Variants in KCNMA1 observed in about 807,000 individuals in gnomAD.
KCNMA1 encodes Calcium-activated potassium channel subunit alpha-1.
KCNMA1 carries 29 observed loss-of-function variants against 140.0 expected under a neutral mutation model. That is an observed-to-expected ratio of 0.21 (90% CI 0.15 to 0.28). The LOEUF is 0.28. Ranked by LOEUF, KCNMA1 falls within the 10% of genes least tolerant of loss-of-function variation. The pLI, the probability that KCNMA1 is intolerant of heterozygous loss-of-function variation, is 1.00. For synonymous variants in KCNMA1, 612 were observed against 611.9 expected, an observed-to-expected ratio of 1.00 and a Z score of 0.00; for missense variants, 880 against 1,602.2, an observed-to-expected ratio of 0.55 and a Z score of 7.70.
chr10:77,613,575 G>A (rs2087922316), intron 1 of KCNMA1, among the ~76,000 whole-genome samples: 1 of 146,644 alleles, frequency 6.8e-6, no homozygotes, highest in South Asian at 2.1e-4. Context: ...GGTGTACACG[G>A]AGGGGTTAAT....
intron 3 of KCNMA1, among the ~76,000 whole-genome samples, chr10:77,201,554 G>C (rs996721946): frequency 6.6e-6 from 1 of 152,194 alleles, no homozygotes; most frequent in Admixed American, 6.5e-5. Flanking sequence ...TGCTGGGGAA[G>C]GACCTCATTT....
intron 2 of KCNMA1, among the ~76,000 whole-genome samples, chr10:77,281,496 T>C (rs1196987274): frequency 6.6e-6 from 1 of 152,148 alleles, no homozygotes; most frequent in Non-Finnish European, 1.5e-5. Context: ...AACAGGGATA[T>C]ATAGCTAGAG....
At chr10:77,019,946 T>G (rs897475826) in intron 16 of KCNMA1, 3 of 152,170 alleles carry the variant, frequency 2.0e-5, no homozygotes, top group Non-Finnish European at 2.9e-5. Flanking sequence ...GTGTTTGGAC[T>G]GACAGAAGAG....
chr10:77,395,774 C>T (rs190550434), intron 2 of KCNMA1, among the ~76,000 whole-genome samples: 29 of 152,202 alleles, frequency 1.9e-4, no homozygotes, highest in African/African-American at 3.6e-4. Flanking sequence ...CTATGAAATG[C>T]GATCCTGCTG....
chr10:77,289,819 T>A (rs1308089429), intron 2 of KCNMA1, among the ~76,000 whole-genome samples: 2 of 152,188 alleles, frequency 1.3e-5, no homozygotes, highest in Non-Finnish European at 2.9e-5. Flanking sequence ...GAGTTATTCT[T>A]GCAAATTTCT....
intron 2 of KCNMA1, among the ~76,000 whole-genome samples, chr10:77,292,364 A>G (rs1461739848): frequency 1.3e-5 from 2 of 152,220 alleles, no homozygotes; most frequent in East Asian, 3.9e-4. Flanking sequence ...ATGTGTCAAG[A>G]CAGCTGGAGA....
At chr10:77,293,007 G>A (rs1422580292) in intron 2 of KCNMA1, among the ~76,000 whole-genome samples, 1 of 152,162 alleles carries the variant, frequency 6.6e-6, no homozygotes, top group Non-Finnish European at 1.5e-5. Context: ...AGAACGCAAT[G>A]GATCTACCTT....
chr10:77,018,201 C>T (rs536096733), intron 17 of KCNMA1, among the ~76,000 whole-genome samples: 249 of 152,268 alleles, frequency 1.6e-3, no homozygotes, highest in African/African-American at 5.8e-3. Flanking sequence ...TGACTAGGAA[C>T]TCATTCAATG....
chr10:77,417,907 C>T (rs1243844152), intron 1 of KCNMA1, among the ~76,000 whole-genome samples: 1 of 152,168 alleles, frequency 6.6e-6, no homozygotes, highest in Non-Finnish European at 1.5e-5. Flanking sequence ...AGGCATACAG[C>T]GGCAGTCAGG....
intron 6 of KCNMA1, among the ~76,000 whole-genome samples, chr10:77,117,670 A>G (rs2097513452): frequency 6.6e-6 from 1 of 152,130 alleles, no homozygotes; most frequent in African/African-American, 2.4e-5. Context: ...TACCACAGTC[A>G]ATGAGATGTG....
intron 1 of KCNMA1, among the ~76,000 whole-genome samples, chr10:77,605,339 C>A (rs1331472477): frequency 6.6e-6 from 1 of 152,252 alleles, no homozygotes; most frequent in Non-Finnish European, 1.5e-5. Context: ...GATGCTTCAT[C>A]TTTCCTGAGC....
intron 1 of KCNMA1, among the ~76,000 whole-genome samples, chr10:77,502,184 G>C (rs1475623719): frequency 6.6e-6 from 1 of 152,184 alleles, no homozygotes; most frequent in Non-Finnish European, 1.5e-5. Flanking sequence ...CCTGGGAAGA[G>C]AGAAAAAGTC....
intron 1 of KCNMA1, among the ~76,000 whole-genome samples, chr10:77,404,771 C>T (rs917684606): frequency 6.6e-6 from 1 of 152,156 alleles, no homozygotes; most frequent in Non-Finnish European, 1.5e-5. Flanking sequence ...GATGGCCTCA[C>T]ATTGGCTCCA....
chr10:77,364,528 T>C (rs2094212757), intron 2 of KCNMA1, among the ~76,000 whole-genome samples: 1 of 152,156 alleles, frequency 6.6e-6, no homozygotes, highest in African/African-American at 2.4e-5. Flanking sequence ...AGGCTTACAT[T>C]AACTCATTTA....
At chr10:77,098,175 G>A (rs2096986526) in intron 9 of KCNMA1, among the ~76,000 whole-genome samples, 1 of 152,158 alleles carries the variant, frequency 6.6e-6, no homozygotes, top group Non-Finnish European at 1.5e-5. Context: ...TAGCCTACAT[G>A]GAGCCTCAGT....
chr10:77,557,116 A>C (rs912715609), intron 1 of KCNMA1, among the ~76,000 whole-genome samples: 11 of 152,244 alleles, frequency 7.2e-5, no homozygotes, highest in Admixed American at 2.0e-4. Context: ...TCTGGAAGGT[A>C]GGAAGAATGC....
chr10:76,983,488 T>G (rs755814233), intron 19 of KCNMA1, among the ~76,000 whole-genome samples: 4 of 152,154 alleles, frequency 2.6e-5, no homozygotes, highest in Non-Finnish European at 2.9e-5. Flanking sequence ...ATCCCAGCAC[T>G]TTGGGAGGCT....
chr10:77,030,518 T>C (rs767538373), intron 15 of KCNMA1, among the ~76,000 whole-genome samples: 3 of 152,180 alleles, frequency 2.0e-5, no homozygotes, highest in Non-Finnish European at 4.4e-5. Flanking sequence ...GTTAATTTGC[T>C]AATATCCTAT....
At chr10:77,399,074 T>C (rs1016384142) in intron 2 of KCNMA1, among the ~76,000 whole-genome samples, 4 of 152,128 alleles carry the variant, frequency 2.6e-5, no homozygotes, top group Admixed American at 6.5e-5. Flanking sequence ...AGCCACTCTG[T>C]ATTTTCCATA....
Sources: gnomAD v4.1 joint callset for allele counts (sites outside exome capture counted in the v4.1 genomes callset) on GRCh38, gnomAD v4.1.1 for gene constraint, MANE v1.5 for transcripts, NCBI Gene and HGNC (gene_info 2026-07-23, HGNC 2026-07-21) for gene names.